SLC39A14: variants seen among roughly 807,000 people sequenced by gnomAD.
SLC39A14 encodes the protein solute carrier family 39 member 14.
In SLC39A14, 19 loss-of-function variants were observed where a neutral mutation model predicts 45.5. The ratio of observed to expected loss-of-function variants is 0.42; its 90% confidence interval spans 0.29 to 0.61. The LOEUF is 0.61. Ranked by LOEUF, SLC39A14 falls within the 20% of genes least tolerant of loss-of-function variation. The probability of loss-of-function intolerance (pLI) is 0.22; values close to 1 mark genes in which losing one functional copy is unlikely to be tolerated. For synonymous variants in SLC39A14, 264 were observed against 251.3 expected (o/e 1.05, Z -0.48); for missense variants, 447 against 616.5 (o/e 0.73, Z 2.91).
chr8:22,386,902 G>C (rs184194733), intron 1 of SLC39A14, among the ~76,000 whole-genome samples: 1 of 152,298 alleles, frequency 6.6e-6, no homozygotes, highest in African/African-American at 2.4e-5. Flanking sequence ...GCCAATCGTG[G>C]TGGCTCATTC....
At chr8:22,378,663 C>T (rs1284141062) in intron 1 of SLC39A14, among the ~76,000 whole-genome samples, 2 of 152,252 alleles carry the variant, frequency 1.3e-5, no homozygotes, top group Non-Finnish European at 2.9e-5. Flanking sequence ...CAGCTTTGTT[C>T]TGGCCCACTC....
In SLC39A14 at chr8:22,395,369, A is replaced by G. The variant is rs745720514; in HGVS notation, c.-15-9327A>G. On this transcript the variant is annotated intron_variant, in intron 1 of 8. Transcript: ENST00000381237. ...CTTTTGTTAGTCTCTTTGTCTTCTCACTGTTTTTGGTTTAAGTTTTCTTGT... is the reference window on the plus strand; with the variant it reads ...CTTTTGTTAGTCTCTTTGTCTTCTCGCTGTTTTTGGTTTAAGTTTTCTTGT... Among the ~76,000 whole-genome samples, 19 of 152,054 alleles carry G rather than the reference A, an allele frequency of 1.2e-4. 1 individual carries two copies. Among genetic ancestry groups the G allele is most frequent in the Admixed American group, 4.6e-4 (7 of 15,264 alleles).
At chr8:22,379,679 C>A (rs1232562305) in intron 1 of SLC39A14, among the ~76,000 whole-genome samples, 1 of 152,056 alleles carries the variant, frequency 6.6e-6, no homozygotes, top group African/African-American at 2.4e-5. Context: ...CCCTGTAATC[C>A]CAGCACTTTG....
chr8:22,409,541 C>T (rs1475098248), intron 3 of SLC39A14, among the ~76,000 whole-genome samples: 2 of 152,104 alleles, frequency 1.3e-5, no homozygotes, highest in Non-Finnish European at 2.9e-5. Context: ...CGCCACCACG[C>T]CCAGCTAATT....
chr8:22,391,695 G>A (rs994211469), intron 1 of SLC39A14, among the ~76,000 whole-genome samples: 3 of 151,984 alleles, frequency 2.0e-5, no homozygotes, highest in East Asian at 1.9e-4. Context: ...TCAGCCTCCC[G>A]AGTAGCTGGG....
intron 1 of SLC39A14, among the ~76,000 whole-genome samples, chr8:22,399,156 G>A (rs1380105634): frequency 6.6e-6 from 1 of 152,174 alleles, no homozygotes; most frequent in Non-Finnish European, 1.5e-5. Flanking sequence ...GGGGACTGGA[G>A]TGGCTCTCCA....
intron 2 of SLC39A14, among the ~76,000 whole-genome samples, chr8:22,407,638 G>A (rs1835302587): frequency 6.6e-6 from 1 of 151,906 alleles, no homozygotes; most frequent in African/African-American, 2.4e-5. Flanking sequence ...TGGGATTACA[G>A]GCGAGAGCCA....
chr8:22,384,470 G>A (rs998898140), intron 1 of SLC39A14, among the ~76,000 whole-genome samples: 11 of 151,736 alleles, frequency 7.2e-5, no homozygotes, highest in African/African-American at 2.4e-4. Flanking sequence ...CAACTCTGGC[G>A]GGCGCGGTGG....
intron 1 of SLC39A14, among the ~76,000 whole-genome samples, chr8:22,377,017 C>A (rs1308286616): frequency 6.6e-6 from 1 of 152,208 alleles, no homozygotes; most frequent in Non-Finnish European, 1.5e-5. Flanking sequence ...CATCTGTAGA[C>A]CCTGCTTGCA....
intron 4 of SLC39A14, 44 bp from the exon 5 acceptor site, chr8:22,414,736 G>GC: frequency 6.3e-7 from 1 of 1,576,764 alleles, no homozygotes; most frequent in Non-Finnish European, 8.6e-7. Flanking sequence ...CAGTAAAGAT[G>GC]CTTTATTTTC....
chr8:22,390,542 CT>C lies in SLC39A14; in HGVS notation c.-15-14153del, dbSNP rs965721782. 3.3e-5 allele frequency: 5 copies of C among 153,150 alleles called. 1 individual carries two copies. Among genetic ancestry groups the C allele is most frequent in the Admixed American group, 6.5e-5 (1 of 15,378 alleles). 9.5% of individuals were successfully genotyped at this position (153,150 alleles called of 1,614,324 possible). The stretch of plus-strand genomic sequence containing the variant: ...TCTCGAGCTCCTAGCCTCAAGTGAT[CT>C]GCCCACCTCGGCCTCCCAAAGTGCT... On this transcript the variant is annotated intron_variant, in intron 1 of 8. Coordinates refer to ENST00000381237, the MANE Select transcript of SLC39A14 (RefSeq NM_001128431.4).
At chr8:22,406,821 T>C (rs7828089) in intron 2 of SLC39A14, among the ~76,000 whole-genome samples, 1 of 151,906 alleles carries the variant, frequency 6.6e-6, no homozygotes, top group African/African-American at 2.4e-5. Context: ...TGCGTGAGCC[T>C]CAGGACCCGC....
rs1834170241 is a variant in SLC39A14, at chr8:22,393,064, C to CT, written c.-15-11631dup. The CT allele has an allele frequency of 2.0e-5, 4 of 197,340 alleles. No individual in the cohort carries two copies. In the South Asian group the frequency reaches 5.2e-4, roughly 26 times the overall value. The allele number at this position is 197,340 out of a possible 1,614,324, so 12.2% of individuals were successfully genotyped here. On this transcript the variant is annotated intron_variant, in intron 1 of 8. Coordinates refer to ENST00000381237, the MANE Select transcript of SLC39A14 (RefSeq NM_001128431.4). ...TATTATTTTTCTTAGTTTTCCCATCCTGCCCCTCCCATCAGCGCGAGGTTT... is the reference window on the plus strand; with the variant it reads ...TATTATTTTTCTTAGTTTTCCCATCCTTGCCCCTCCCATCAGCGCGAGGTTT...
rs150491604 is a variant in SLC39A14 at position 22,421,282 on chromosome 8, C to G, written c.*1584C>G. On this transcript the variant is annotated 3_prime_UTR_variant, in exon 9 of 9. Coordinates refer to ENST00000381237, the MANE Select transcript of SLC39A14 (RefSeq NM_001128431.4). ...AAAAACTGTCCGCTCTCAGTAATCA[C>G]AAGCAGCATCCGTTTTGTTTTCTCT... is the stretch of plus-strand genomic sequence containing the variant. 3 of 985,760 alleles carry G rather than the reference C, an allele frequency of 3.0e-6. No individual in the cohort carries two copies. Among genetic ancestry groups the G allele is most frequent in the Non-Finnish European group, 2.4e-6 (2 of 829,944 alleles). The allele number at this position is 985,760 out of a possible 1,614,324, so 61.1% of individuals were successfully genotyped here.
At chr8:22,372,858 A>C (rs554046699) in intron 1 of SLC39A14, among the ~76,000 whole-genome samples, 6 of 152,154 alleles carry the variant, frequency 3.9e-5, no homozygotes, top group African/African-American at 1.4e-4. Flanking sequence ...CTAGTCTTAA[A>C]CTCTGGCTTC....
chr8:22,395,746 T>C (rs934747080), intron 1 of SLC39A14, among the ~76,000 whole-genome samples: 4 of 152,172 alleles, frequency 2.6e-5, no homozygotes, highest in Non-Finnish European at 5.9e-5. Flanking sequence ...TGTGGAGCAG[T>C]GGTGAGGAAC....
intron 1 of SLC39A14, among the ~76,000 whole-genome samples, chr8:22,368,270 G>A (rs1256297180): frequency 1.3e-5 from 2 of 152,104 alleles, no homozygotes; most frequent in Non-Finnish European, 2.9e-5. Flanking sequence ...CCTGGAGCAA[G>A]CCTGGTTTGG....
At chr8:22,407,886 C>CTT (rs1166791195) in intron 2 of SLC39A14, among the ~76,000 whole-genome samples, 1 of 151,274 alleles carries the variant, frequency 6.6e-6, no homozygotes, top group Non-Finnish European at 1.5e-5. Context: ...AATTTTTCAA[C>CTT]TTTTTGTAAA....
intron 1 of SLC39A14, among the ~76,000 whole-genome samples, chr8:22,375,595 C>T (rs1358689361): frequency 6.6e-6 from 1 of 151,962 alleles, no homozygotes; most frequent in East Asian, 1.9e-4. Context: ...AAGCAATTCT[C>T]CTGCCTCAGC....
Sources: gnomAD v4.1 joint callset for allele counts (sites outside exome capture counted in the v4.1 genomes callset) on GRCh38, gnomAD v4.1.1 for gene constraint, MANE v1.5 for transcripts, NCBI Gene and HGNC (gene_info 2026-07-23, HGNC 2026-07-21) for gene names.